ZNF780B: variants seen among roughly 807,000 people sequenced by gnomAD.
ZNF780B encodes zinc finger protein 779.
ZNF780B carries 52 observed loss-of-function variants against 74.1 expected under a neutral mutation model. That is an observed-to-expected ratio of 0.70 (90% CI 0.56 to 0.88). The LOEUF (loss-of-function observed/expected upper bound fraction) is 0.88. Among genes scored for constraint, ZNF780B ranks in the 40% least tolerant of loss-of-function variants. ZNF780B has a pLI of 0.00. For missense variants in ZNF780B, 953 were observed against 1,007.6 expected (o/e 0.95, Z 0.73); for synonymous variants, 315 against 324.3 (o/e 0.97, Z 0.31).
rs760975032 is a variant in ZNF780B at position 40,035,707 on chromosome 19, T to A, written c.1152A>T (p.Thr384=). 6.2e-7 allele frequency: 1 copy of A among 1,614,084 alleles called. No individual in the cohort carries two copies. The highest frequency in any genetic ancestry group is 8.5e-7 in the Non-Finnish European group (1 of 1,180,008). The part of the protein sequence containing the change: ...NQLNRHKNIH[T]GEKPFECKEC... ...CTTTACATTCAAATGGTTTTTCACC[T>A]GTGTGAATATTCTTATGGCGATTAA... is the stretch of plus-strand genomic sequence containing the variant. Residue 384 remains threonine, a synonymous_variant, in exon 5 of 5, where the codon ACA becomes ACT. Coordinates refer to ENST00000434248, the MANE Select transcript of ZNF780B (RefSeq NM_001005851.3).
intron 4 of ZNF780B, among the ~76,000 whole-genome samples, chr19:40,043,594 C>T (rs1009189444): frequency 6.6e-6 from 1 of 152,252 alleles, no homozygotes; most frequent in African/African-American, 2.4e-5. Flanking sequence ...TTTACCTAAT[C>T]CTGGGCAATG....
chr19:40,046,629 G>T (rs182425924), intron 4 of ZNF780B, among the ~76,000 whole-genome samples: 11 of 152,142 alleles, frequency 7.2e-5, no homozygotes, highest in African/African-American at 2.7e-4. Context: ...CCCAAGTGCT[G>T]CCATTCTCAC....
chr19:40,034,577 G>A lies in ZNF780B; in HGVS notation c.2282C>T (p.Ala761Val), dbSNP rs563004198. The change falls in exon 5 of 5, where the codon GCC becomes GTC. Residue 761 changes from alanine to valine, a missense_variant. Transcript: ENST00000434248. ...KPFKCKECGK[A>V]FNRGSNLVQP... ...AACAAGGTTTGAGCCACGATTAAAGGCCTTCCCACACTCCTTACATTTAAA... is the reference window on the plus strand; with the variant it reads ...AACAAGGTTTGAGCCACGATTAAAGACCTTCCCACACTCCTTACATTTAAA... 18 of 1,613,962 alleles carry A rather than the reference G, an allele frequency of 1.1e-5. No homozygotes were observed. The South Asian group carries it at 1.9e-4, about 17-fold the overall frequency.
At chr19:40,051,169 T>C (rs1400799985) in intron 1 of ZNF780B, among the ~76,000 whole-genome samples, 2 of 152,182 alleles carry the variant, frequency 1.3e-5, no homozygotes, top group East Asian at 3.8e-4. Flanking sequence ...ATGTCATAAT[T>C]GTGACTATGC....
At position 40,030,328 on chromosome 19, in the gene ZNF780B, G is replaced by A; in HGVS notation, c.*4029C>T. 1 of 152,266 alleles carries A rather than the reference G, an allele frequency of 6.6e-6. No individual in the cohort carries two copies. 9.4% of individuals were successfully genotyped at this position (152,266 alleles called of 1,614,324 possible). ...GAGGAAGGAGGTGCCAGGCTCTTTTGTACAACCAGCTCTCATAGGAACTAA... is the reference window on the plus strand; with the variant it reads ...GAGGAAGGAGGTGCCAGGCTCTTTTATACAACCAGCTCTCATAGGAACTAA... On this transcript the variant is annotated 3_prime_UTR_variant, in exon 5 of 5. Transcript: ENST00000434248.
chr19:40,049,385 T>A (rs1259484761), intron 2 of ZNF780B, among the ~76,000 whole-genome samples: 1 of 152,186 alleles, frequency 6.6e-6, no homozygotes, highest in Non-Finnish European at 1.5e-5. Context: ...TCAAAATAAC[T>A]GACATATTAG....
chr19:40,034,784 G>T lies in ZNF780B; in HGVS notation c.2075C>A (p.Ser692Tyr). ...CTTACATACAAAGGGTTTCGCACTG[G>T]AATGAGTTTTCTGATGCTGAATAAG... Reference protein sequence around the residue: ...SNLIQHQKTHSSAKPFVCKEC... With the variant: ...SNLIQHQKTHYSAKPFVCKEC... Residue 692 changes from serine to tyrosine, a missense_variant, in exon 5 of 5, where the codon TCC becomes TAC. Transcript: ENST00000434248. The T allele has an allele frequency of 6.2e-7, 1 of 1,613,646 alleles. No individual in the cohort carries two copies. The highest frequency in any genetic ancestry group is 2.2e-5 in the East Asian group (1 of 44,812).
chr19:40,037,218 A>ATTT (rs562892051), intron 4 of ZNF780B, among the ~76,000 whole-genome samples: 2 of 131,834 alleles, frequency 1.5e-5, no homozygotes, highest in South Asian at 4.8e-4. Flanking sequence ...CCTGGCCTCT[A>ATTT]TTTTTTTTTT....
intron 4 of ZNF780B, among the ~76,000 whole-genome samples, chr19:40,045,669 A>G (rs1266892048): frequency 2.6e-5 from 4 of 152,216 alleles, no homozygotes; most frequent in African/African-American, 7.2e-5. Flanking sequence ...ATTTGCAGCA[A>G]CATGGAGGGA....
intron 4 of ZNF780B, among the ~76,000 whole-genome samples, chr19:40,041,027 T>C (rs1036757245): frequency 2.0e-5 from 3 of 152,222 alleles, no homozygotes; most frequent in Non-Finnish European, 2.9e-5. Context: ...TTTCCTGCTT[T>C]CTCTTGTGAG....
chr19:40,047,291 A>G (rs962818661), intron 4 of ZNF780B, 84 bp downstream of exon 4: 18 of 1,227,512 alleles, frequency 1.5e-5, no homozygotes, highest in Non-Finnish European at 1.9e-5. Flanking sequence ...TCCAAACCAC[A>G]TCTCAGGGGT....
At position 40,050,383 on chromosome 19, in the gene ZNF780B, AAAC is replaced by A. The variant is rs537918261; in HGVS notation, c.-45-9_-45-7del. 2.3e-4 allele frequency: 367 copies of A among 1,576,544 alleles called. No individual in the cohort carries two copies. The East Asian group carries it at 5.7e-3, about 24-fold the overall frequency. On this transcript the variant is annotated splice_region_variant and splice_polypyrimidine_tract_variant and intron_variant, in intron 1 of 4. Coordinates refer to ENST00000434248, the MANE Select transcript of ZNF780B (RefSeq NM_001005851.3). ...ATCTTCCTCGGGCTTCTCCCCTGGAAAACAACAACAACAAAAAGGCCCTAAGTC... is the reference window on the plus strand; with the variant it reads ...ATCTTCCTCGGGCTTCTCCCCTGGAAAACAACAACAAAAAGGCCCTAAGTC...
chr19:40,032,373 A>C lies in ZNF780B; in HGVS notation c.*1984T>G. On this transcript the variant is annotated 3_prime_UTR_variant, in exon 5 of 5. Coordinates refer to ENST00000434248, the MANE Select transcript of ZNF780B (RefSeq NM_001005851.3). ...GGGTTTCCATGCTACAATACACTAA[A>C]GAGAGATAACCAAATGCAATGCAGA... 1 of 396,592 alleles carries C rather than the reference A, an allele frequency of 2.5e-6. No homozygotes were observed. The highest frequency in any genetic ancestry group is 1.9e-5 in the South Asian group (1 of 52,886). The allele number at this position is 396,592 out of a possible 1,614,324, so 24.6% of individuals were successfully genotyped here. A position where few individuals can be genotyped will look rare whatever the true frequency, so the allele number is the denominator to read the frequency against.
At chr19:40,053,906 G>A (rs548702680) in intron 1 of ZNF780B, among the ~76,000 whole-genome samples, 3 of 152,194 alleles carry the variant, frequency 2.0e-5, no homozygotes, top group Admixed American at 6.5e-5. Context: ...TTTCGAAAGC[G>A]GAGGCGAAGG....
chr19:40,050,196 CAAAAAAA>C lies in ZNF780B; in HGVS notation c.9+121_9+127del, dbSNP rs74179712. ...TGGGTGACAGAGCAAGACTCCGTCT[CAAAAAAA>C]AAAAAAAAAAAAAAAAAAAATCGTG... is the stretch of plus-strand genomic sequence containing the variant. On this transcript the variant is annotated intron_variant, in intron 2 of 4. Transcript: ENST00000434248. 983 of 392,118 alleles carry C rather than the reference CAAAAAAA, an allele frequency of 2.5e-3. 2 individuals are homozygous for C. The highest frequency in any genetic ancestry group is 7.4e-3 in the East Asian group (122 of 16,566). 24.3% of individuals were successfully genotyped at this position (392,118 alleles called of 1,614,324 possible). A position where few individuals can be genotyped will look rare whatever the true frequency, so the allele number is the denominator to read the frequency against.
At position 40,034,281 on chromosome 19, in the gene ZNF780B, A is replaced by G. The variant is rs868598042; in HGVS notation, c.*76T>C. 8.7e-6 allele frequency: 11 copies of G among 1,264,910 alleles called. No homozygotes were observed. The Middle Eastern group carries it at 1.1e-3, about 132-fold the overall frequency. 78.4% of individuals were successfully genotyped at this position (1,264,910 alleles called of 1,614,324 possible). A position where few individuals can be genotyped will look rare whatever the true frequency, so the allele number is the denominator to read the frequency against. On this transcript the variant is annotated 3_prime_UTR_variant, in exon 5 of 5. Transcript: ENST00000434248. ...TTGACATTCATAAGGGTTCTCACGAATATGAAATCTATAATGTCCATGAAA... is the reference window on the plus strand; with the variant it reads ...TTGACATTCATAAGGGTTCTCACGAGTATGAAATCTATAATGTCCATGAAA...
rs1973060149 is a variant in ZNF780B at position 40,048,690 on chromosome 19, T to C, written c.116A>G (p.Tyr39Cys). Residue 39 changes from tyrosine to cysteine, a missense_variant, in exon 3 of 5, where the codon TAC becomes TGC. Transcript: ENST00000434248. ...TLYRDVMLENYSHLISLGSSI... is the reference protein window; with the variant it reads ...TLYRDVMLENCSHLISLGSSI... The stretch of plus-strand genomic sequence containing the variant: ...CTTACCCAGTGATATCAGGTGGCTG[T>C]AGTTCTCCAACATCACATCCCTGTA... The C allele has an allele frequency of 6.2e-7, 1 of 1,614,196 alleles. No homozygotes were observed. Among genetic ancestry groups the C allele is most frequent in the East Asian group, 2.2e-5 (1 of 44,890 alleles).
At chr19:40,044,265 T>C (rs922139046) in intron 4 of ZNF780B, among the ~76,000 whole-genome samples, 4 of 152,196 alleles carry the variant, frequency 2.6e-5, no homozygotes, top group African/African-American at 9.7e-5. Context: ...GATGCAGACA[T>C]CTTGATACAG....
At chr19:40,039,378 T>C (rs2144746263) in intron 4 of ZNF780B, among the ~76,000 whole-genome samples, 1 of 152,338 alleles carries the variant, frequency 6.6e-6, no homozygotes, top group African/African-American at 2.4e-5. Flanking sequence ...TGGCTTAGGA[T>C]TGACTTGGTG....
Sources: gnomAD v4.1 joint callset for allele counts (sites outside exome capture counted in the v4.1 genomes callset) on GRCh38, gnomAD v4.1.1 for gene constraint, MANE v1.5 for transcripts, NCBI Gene and HGNC (gene_info 2026-07-23, HGNC 2026-07-21) for gene names.